Variants in PIK3CB observed in about 807,000 individuals in gnomAD.
PIK3CB encodes phosphatidylinositol 4,5-bisphosphate 3-kinase catalytic subunit beta isoform.
Under a neutral mutation model 136.8 loss-of-function variants are expected in PIK3CB, and 39 were observed. That is an observed-to-expected ratio of 0.29 (90% confidence interval 0.22 to 0.37). The LOEUF (loss-of-function observed/expected upper bound fraction) is 0.37. PIK3CB is among the 10% of genes least tolerant of loss of function. The pLI is 1.00. For synonymous variants in PIK3CB, 428 were observed against 436.6 expected (o/e 0.98, Z 0.25); for missense variants, 868 against 1,275.4 (o/e 0.68, Z 4.87).
chr3:138,790,673 G>C (rs1464710679), intron 2 of PIK3CB, among the ~76,000 whole-genome samples: 1 of 151,586 alleles, frequency 6.6e-6, no homozygotes, highest in South Asian at 2.1e-4. Flanking sequence ...AATTAACTGG[G>C]CGTGGTGGCG....
chr3:138,694,821 A>C lies in PIK3CB; in HGVS notation c.1857T>G (p.Val619=). Residue 619 remains valine, a synonymous_variant, in exon 14 of 24, where the codon GTT becomes GTG. Transcript: ENST00000674063. ...LLDFNYPDQY[V]REYAVGCLRQ... ...GCAGGCAGCCTACAGCATATTCTCG[A>C]ACGTACTGGTCTGGATAGTTGAAAT... The C allele has an allele frequency of 1.9e-6, 3 of 1,613,404 alleles. No individual in the cohort carries two copies. Among genetic ancestry groups the C allele is most frequent in the Non-Finnish European group, 2.5e-6 (3 of 1,179,680 alleles).
intron 1 of PIK3CB, among the ~76,000 whole-genome samples, chr3:138,805,874 C>A (rs187972616): frequency 0.014 from 2,118 of 151,484 alleles, 45 homozygotes; most frequent in Middle Eastern, 0.049. Context: ...GGATTACAGG[C>A]ATGCCCCACC....
chr3:138,758,948 G>C (rs2045620646), intron 3 of PIK3CB, among the ~76,000 whole-genome samples: 1 of 152,114 alleles, frequency 6.6e-6, no homozygotes, highest in Admixed American at 6.6e-5. Flanking sequence ...CAAGCTCAAA[G>C]ACAGTAATTT....
rs369981762 is a variant in PIK3CB, at chr3:138,711,109, T to C, written c.1399+1099A>G. Among the ~76,000 whole-genome samples, 25 of 151,744 alleles carry C rather than the reference T, an allele frequency of 1.6e-4. No individual in the cohort carries two copies. In the East Asian group the frequency reaches 4.5e-3, roughly 27 times the overall value. ...AAAAAAAAAAAAGTGTTTTTACTAT[T>C]TCTCCCTAATTAGAGATGTTCCTTC... On this transcript the variant is annotated intron_variant, in intron 10 of 23. Transcript: ENST00000674063.
intron 6 of PIK3CB, 59 bp downstream of exon 6, chr3:138,737,648 T>C: frequency 5.0e-6 from 2 of 402,748 alleles, no homozygotes; most frequent in Non-Finnish European, 3.7e-6. Context: ...AAATAAAATA[T>C]ATATATATAT....
chr3:138,759,501 A>C (rs2045631791), intron 2 of PIK3CB, 142 bp from the exon 3 acceptor site: 8 of 533,130 alleles, frequency 1.5e-5, no homozygotes. Flanking sequence ...AAATAATGTG[A>C]TATTTTAAAA....
intron 19 of PIK3CB, among the ~76,000 whole-genome samples, chr3:138,672,090 T>TGG (rs539336029): frequency 6.6e-6 from 1 of 151,554 alleles, no homozygotes; most frequent in East Asian, 1.9e-4. Flanking sequence ...AGAAAAAAAG[T>TGG]GGGGGGGTTC....
At chr3:138,789,205 T>C (rs189313339) in intron 2 of PIK3CB, among the ~76,000 whole-genome samples, 1 of 152,292 alleles carries the variant, frequency 6.6e-6, no homozygotes, top group Admixed American at 6.5e-5. Context: ...GTGCCTACTG[T>C]TTCTGGTCCT....
At chr3:138,655,558 A>C (rs2043176527) in intron 23 of PIK3CB, 32 bp from the exon 24 acceptor site, 1 of 1,567,100 alleles carries the variant, frequency 6.4e-7, no homozygotes, top group Non-Finnish European at 8.8e-7. Context: ...ATGATTTTAT[A>C]TAACTTTAGT....
rs1458960849 is a variant in PIK3CB at position 138,688,918 on chromosome 3, T to C, written c.2093A>G (p.Tyr698Cys). Residue 698 changes from tyrosine (Y) to cysteine (C), a missense_variant, in exon 16 of 24, where the codon TAC (tyrosine) becomes TGC (cysteine). By Grantham distance (194) the Tyr-to-Cys change is radical. Transcript: ENST00000674063. ...CATGTGCCCCACACTTCCCCGGCAGTATGCTTCAAGGATGACACCAAATTG... is the reference window on the plus strand; with the variant it reads ...CATGTGCCCCACACTTCCCCGGCAGCATGCTTCAAGGATGACACCAAATTG... ...SVQFGVILEA[Y>C]CRGSVGHMKV... 7 of 1,613,890 alleles carry C rather than the reference T, an allele frequency of 4.3e-6. No individual in the cohort carries two copies. The highest frequency in any genetic ancestry group is 5.9e-6 in the Non-Finnish European group (7 of 1,179,768).
At chr3:138,724,395 T>A (rs1297961923) in intron 8 of PIK3CB, among the ~76,000 whole-genome samples, 1 of 152,202 alleles carries the variant, frequency 6.6e-6, no homozygotes, top group African/African-American at 2.4e-5. Flanking sequence ...CCTCTCAGCA[T>A]GTGGATATAT....
At chr3:138,830,370 T>C (rs1933972401) in intron 1 of PIK3CB, among the ~76,000 whole-genome samples, 1 of 151,638 alleles carries the variant, frequency 6.6e-6, no homozygotes, top group African/African-American at 2.4e-5. Flanking sequence ...GCCAATATGG[T>C]GAAACCCTGT....
At chr3:138,756,143 A>G (rs533418848) in intron 3 of PIK3CB, among the ~76,000 whole-genome samples, 164 bp from the exon 4 acceptor site, 2 of 152,308 alleles carry the variant, frequency 1.3e-5, no homozygotes, top group African/African-American at 4.8e-5. Flanking sequence ...ATATTACAGA[A>G]TGGTGAAAAT....
At chr3:138,787,466 A>G (rs1358748380) in intron 2 of PIK3CB, among the ~76,000 whole-genome samples, 2 of 152,170 alleles carry the variant, frequency 1.3e-5, no homozygotes, top group African/African-American at 4.8e-5. Context: ...GAAGACATTA[A>G]GATCATCTTT....
At chr3:138,760,401 C>T (rs954520608) in intron 2 of PIK3CB, among the ~76,000 whole-genome samples, 2 of 152,064 alleles carry the variant, frequency 1.3e-5, no homozygotes, top group African/African-American at 2.4e-5. Context: ...TGCTGCTAGA[C>T]CTATGTTCAC....
intron 1 of PIK3CB, among the ~76,000 whole-genome samples, chr3:138,799,684 T>C (rs560421893): frequency 9.9e-5 from 15 of 152,214 alleles, no homozygotes; most frequent in African/African-American, 3.4e-4. Flanking sequence ...GTTTTTTTGT[T>C]TGTCTGTTTT....
intron 19 of PIK3CB, among the ~76,000 whole-genome samples, chr3:138,674,646 G>C (rs997999925): frequency 6.6e-6 from 1 of 152,116 alleles, no homozygotes; most frequent in Non-Finnish European, 1.5e-5. Context: ...CACACATACA[G>C]GAAAAATGCA....
At chr3:138,758,510 A>T (rs980524334) in intron 3 of PIK3CB, among the ~76,000 whole-genome samples, 1 of 152,236 alleles carries the variant, frequency 6.6e-6, no homozygotes, top group Non-Finnish European at 1.5e-5. Flanking sequence ...TGAGATGCTT[A>T]AGTCAATTCT....
intron 16 of PIK3CB, among the ~76,000 whole-genome samples, chr3:138,687,539 A>G (rs765803412): frequency 5.9e-5 from 9 of 152,186 alleles, no homozygotes; most frequent in Non-Finnish European, 1.2e-4. Context: ...ATCAAATCAT[A>G]GCTCACTGCA....
Sources: gnomAD v4.1 joint callset for allele counts (sites outside exome capture counted in the v4.1 genomes callset) on GRCh38, gnomAD v4.1.1 for gene constraint, MANE v1.5 for transcripts, NCBI Gene and HGNC (gene_info 2026-07-23, HGNC 2026-07-21) for gene names.